The following MYO3A variants were observed in gnomAD, a reference collection of about 807,000 sequenced individuals.
The protein encoded by MYO3A is myosin-IIIa.
In MYO3A, 180 loss-of-function variants were observed where a neutral mutation model predicts 192.7. The ratio of observed to expected loss-of-function variants is 0.93; its 90% CI spans 0.83 to 1.06. The LOEUF (loss-of-function observed/expected upper bound fraction) is 1.06. MYO3A is among the 50% of genes least tolerant of loss of function. The pLI is 0.00. For missense variants in MYO3A, 1,896 were observed against 1,905.0 expected (o/e 1.00, Z 0.09); for synonymous variants, 628 against 645.3 (o/e 0.97, Z 0.41).
At chr10:26,207,252 T>G (rs1432587271) in intron 34 of MYO3A, among the ~76,000 whole-genome samples, 1 of 152,202 alleles carries the variant, frequency 6.6e-6, no homozygotes, top group East Asian at 1.9e-4. Context: ...TTTTTTGCTT[T>G]TGTTGCCAGT....
At chr10:26,177,414 C>A (rs754491951) in intron 31 of MYO3A, among the ~76,000 whole-genome samples, 3 of 152,226 alleles carry the variant, frequency 2.0e-5, no homozygotes, top group Non-Finnish European at 4.4e-5. Context: ...CCTGTAGTCT[C>A]TGGTCATTTG....
intron 2 of MYO3A, among the ~76,000 whole-genome samples, chr10:25,943,024 C>A (rs895109996): frequency 2.0e-5 from 3 of 151,684 alleles, no homozygotes; most frequent in Non-Finnish European, 4.4e-5. Context: ...TTGCCAAATC[C>A]ATTTTCATGA....
At chr10:26,129,110 T>A (rs1272328801) in intron 20 of MYO3A, among the ~76,000 whole-genome samples, 2 of 152,228 alleles carry the variant, frequency 1.3e-5, no homozygotes, top group African/African-American at 4.8e-5. Flanking sequence ...ACTTAAATTA[T>A]TTTATTAAAT....
chr10:26,099,939 G>T (rs1014453098), intron 17 of MYO3A, among the ~76,000 whole-genome samples: 6 of 152,160 alleles, frequency 3.9e-5, no homozygotes, highest in African/African-American at 1.4e-4. Flanking sequence ...ATGACTTAGG[G>T]AGGATTCCCT....
chr10:25,977,437 G>C (rs779515964), intron 4 of MYO3A, among the ~76,000 whole-genome samples: 2 of 152,076 alleles, frequency 1.3e-5, no homozygotes, highest in Admixed American at 1.3e-4. Flanking sequence ...GTTTCTCCTG[G>C]TCAGGTTCAT....
At chr10:26,009,442 A>T (rs1266210308) in intron 6 of MYO3A, among the ~76,000 whole-genome samples, 1 of 152,214 alleles carries the variant, frequency 6.6e-6, no homozygotes, top group Non-Finnish European at 1.5e-5. Context: ...CACAAATGAG[A>T]GAGCAGGCCC....
intron 27 of MYO3A, 21 bp from the exon 28 acceptor site, chr10:26,168,679 CATGGTTCTTTGT>C (rs1285809126): frequency 6.3e-7 from 1 of 1,595,722 alleles, no homozygotes; most frequent in Non-Finnish European, 8.6e-7. Flanking sequence ...ATCTGTGTGC[CATGGTTCTTTGT>C]ATTATATTTT....
chr10:26,098,924 A>G (rs1837244265), intron 17 of MYO3A, among the ~76,000 whole-genome samples: 1 of 152,196 alleles, frequency 6.6e-6, no homozygotes, highest in South Asian at 2.1e-4. Flanking sequence ...TGAACTTTAA[A>G]GTAGTTTTTT....
intron 10 of MYO3A, among the ~76,000 whole-genome samples, chr10:26,028,839 G>A (rs1162422953): frequency 6.6e-6 from 1 of 152,154 alleles, no homozygotes; most frequent in Non-Finnish European, 1.5e-5. Flanking sequence ...ATAGGTGGAT[G>A]TTGTGTCCAC....
chr10:25,960,196 A>G (rs534979526), intron 4 of MYO3A, among the ~76,000 whole-genome samples: 1 of 151,970 alleles, frequency 6.6e-6, no homozygotes, highest in African/African-American at 2.4e-5. Context: ...GTTTTAATGG[A>G]GATTCATGAG....
intron 4 of MYO3A, among the ~76,000 whole-genome samples, chr10:25,970,504 G>T (rs1263221937): frequency 6.6e-6 from 1 of 151,868 alleles, no homozygotes; most frequent in African/African-American, 2.4e-5. Flanking sequence ...TTTAATATCG[G>T]TTATATAGAT....
At chr10:26,062,530 A>AAAACAAAAAAAACAAAAAAAAACG (rs1554816581) in intron 10 of MYO3A, among the ~76,000 whole-genome samples, 5 of 125,942 alleles carry the variant, frequency 4.0e-5, no homozygotes, top group South Asian at 2.4e-4. Flanking sequence ...AAAAAAAAAA[A>AAAACAAAAAAAACAAAAAAAAACG]AAATTATGGA....
intron 6 of MYO3A, among the ~76,000 whole-genome samples, chr10:26,013,645 G>C (rs1326428759): frequency 2.6e-5 from 4 of 152,014 alleles, no homozygotes; most frequent in Admixed American, 1.3e-4. Flanking sequence ...TGGGGAAAAG[G>C]GAATACTTAC....
chr10:26,008,452 C>T (rs1192847134), intron 6 of MYO3A, among the ~76,000 whole-genome samples: 5 of 148,196 alleles, frequency 3.4e-5, no homozygotes, highest in Non-Finnish European at 7.4e-5. Flanking sequence ...AGGCAACCTA[C>T]AAAATGGGAG....
chr10:26,193,396 C>A (rs1032184275), intron 32 of MYO3A, 85 bp downstream of exon 32: 1 of 1,141,052 alleles, frequency 8.8e-7, no homozygotes, highest in Non-Finnish European at 1.3e-6. Flanking sequence ...TTAGTTCAGG[C>A]ACAAAGGAAG....
At chr10:26,194,460 C>T (rs1843308997) in intron 32 of MYO3A, among the ~76,000 whole-genome samples, 1 of 152,102 alleles carries the variant, frequency 6.6e-6, no homozygotes, top group Admixed American at 6.6e-5. Context: ...TCTGGCTGGT[C>T]CCTCCATTTG....
chr10:26,147,293 T>C lies in MYO3A; in HGVS notation c.2506-137T>C, dbSNP rs1840527022. On this transcript the variant is annotated intron_variant, in intron 22 of 34. Transcript: ENST00000642920. ...ACCTTAAGATGATAAGGGGCTACCT[T>C]AGTAAATGCTTGTATCACTGTTGCT... The C allele has an allele frequency of 1.3e-5, 11 of 845,356 alleles. No individual in the cohort carries two copies. The South Asian group carries it at 1.6e-4, about 12-fold the overall frequency. 52.4% of individuals were successfully genotyped at this position (845,356 alleles called of 1,614,324 possible).
intron 6 of MYO3A, among the ~76,000 whole-genome samples, chr10:26,007,874 A>G (rs1311078183): frequency 6.6e-6 from 1 of 152,112 alleles, no homozygotes. Context: ...CAGAATTGGA[A>G]AAAACTACTT....
chr10:25,987,185 T>C (rs1037854458), intron 4 of MYO3A, among the ~76,000 whole-genome samples: 2 of 152,166 alleles, frequency 1.3e-5, no homozygotes, highest in African/African-American at 2.4e-5. Flanking sequence ...TGGATTCTCA[T>C]CTCTTACCTT....
Sources: gnomAD v4.1 joint callset for allele counts (sites outside exome capture counted in the v4.1 genomes callset) on GRCh38, gnomAD v4.1.1 for gene constraint, MANE v1.5 for transcripts, NCBI Gene and HGNC (gene_info 2026-07-23, HGNC 2026-07-21) for gene names.